Variants in ARL8B observed in about 807,000 individuals in gnomAD.
ARL8B encodes the protein ADP-ribosylation factor-like protein 8B.
Under a neutral mutation model 30.6 loss-of-function variants are expected in ARL8B, and 9 were observed. The ratio of observed to expected loss-of-function variants is 0.29; its 90% CI spans 0.18 to 0.51. ARL8B has a LOEUF of 0.51. Among genes scored for constraint, ARL8B ranks in the 20% least tolerant of loss-of-function variants. ARL8B has a pLI of 0.97. For synonymous variants in ARL8B, 74 were observed against 76.0 expected (o/e 0.97, Z 0.14); for missense variants, 130 against 227.2 (o/e 0.57, Z 2.75).
At chr3:5,139,955 A>T (rs2054357632) in intron 1 of ARL8B, among the ~76,000 whole-genome samples, 1 of 149,814 alleles carries the variant, frequency 6.7e-6, no homozygotes, top group Non-Finnish European at 1.5e-5. Context: ...TGGTCAGGAT[A>T]GCTTCTCACT....
At chr3:5,130,432 G>A (rs772847111) in intron 1 of ARL8B, among the ~76,000 whole-genome samples, 2 of 152,046 alleles carry the variant, frequency 1.3e-5, no homozygotes, top group Non-Finnish European at 2.9e-5. Context: ...AGAAGTATTG[G>A]TAGATTGCAT....
intron 1 of ARL8B, among the ~76,000 whole-genome samples, chr3:5,131,579 C>A (rs1176128690): frequency 6.6e-6 from 1 of 151,878 alleles, no homozygotes; most frequent in Non-Finnish European, 1.5e-5. Flanking sequence ...TTAGTAGAGA[C>A]AGGGTTTCAC....
chr3:5,176,523 C>T (rs1040485463), intron 6 of ARL8B, among the ~76,000 whole-genome samples: 2 of 152,182 alleles, frequency 1.3e-5, no homozygotes, highest in Non-Finnish European at 2.9e-5. Flanking sequence ...TGAGCCACCA[C>T]GCCCAGCCAC....
In ARL8B at chr3:5,179,894, T is replaced by G. The variant is rs897701460; in HGVS notation, c.*1181T>G. 2 of 152,598 alleles carry G rather than the reference T, an allele frequency of 1.3e-5. No homozygotes were observed. Among genetic ancestry groups the G allele is most frequent in the Admixed American group, 1.3e-4 (2 of 15,278 alleles). 9.5% of individuals were successfully genotyped at this position (152,598 alleles called of 1,614,324 possible). A position where few individuals can be genotyped will look rare whatever the true frequency, so the allele number is the denominator to read the frequency against. On this transcript the variant is annotated 3_prime_UTR_variant, in exon 7 of 7. Transcript: ENST00000256496. ...CAGAGAACTGAGGAACTGATGCTGTTTGTTTGCTTCTATGATACAGAGATG... is the reference window on the plus strand; with the variant it reads ...CAGAGAACTGAGGAACTGATGCTGTGTGTTTGCTTCTATGATACAGAGATG...
chr3:5,180,602 T>C lies in ARL8B; in HGVS notation c.*1889T>C, dbSNP rs1467415912. On this transcript the variant is annotated 3_prime_UTR_variant, in exon 7 of 7. Coordinates refer to ENST00000256496, the MANE Select transcript of ARL8B (RefSeq NM_018184.3). ...CATCCAGACGCTATTACCAACATTTTCCTGTGCATTAACCTCTGCATGTGA... is the reference window on the plus strand; with the variant it reads ...CATCCAGACGCTATTACCAACATTTCCCTGTGCATTAACCTCTGCATGTGA... 6.5e-6 allele frequency: 1 copy of C among 152,676 alleles called. No homozygotes were observed. The highest frequency in any genetic ancestry group is 1.5e-5 in the Non-Finnish European group (1 of 68,038). 9.5% of individuals were successfully genotyped at this position (152,676 alleles called of 1,614,324 possible).
At chr3:5,151,869 C>T (rs1559281005) in intron 1 of ARL8B, among the ~76,000 whole-genome samples, 3 of 151,978 alleles carry the variant, frequency 2.0e-5, no homozygotes, top group Non-Finnish European at 2.9e-5. Flanking sequence ...GGACCACAGG[C>T]TCACACGACC....
chr3:5,167,005 A>G (rs185326460), intron 1 of ARL8B, among the ~76,000 whole-genome samples: 1 of 152,212 alleles, frequency 6.6e-6, no homozygotes, highest in Admixed American at 6.5e-5. Flanking sequence ...TACTCTTCCA[A>G]TTTCCTTTTT....
At chr3:5,178,621 G>GT (rs774194938) in intron 6 of ARL8B, 43 bp from the exon 7 acceptor site, 65 of 1,573,340 alleles carry the variant, frequency 4.1e-5, no homozygotes, top group Non-Finnish European at 5.5e-5. Flanking sequence ...TTGATGTTTA[G>GT]TTTTTTAACT....
At chr3:5,166,348 G>GTTT (rs576653836) in intron 1 of ARL8B, among the ~76,000 whole-genome samples, 6 of 99,178 alleles carry the variant, frequency 6.0e-5, no homozygotes, top group African/African-American at 8.1e-5. Context: ...GGTATCTTTC[G>GTTT]TTTTTTTTTT....
At chr3:5,131,208 A>G (rs1226094736) in intron 1 of ARL8B, among the ~76,000 whole-genome samples, 1 of 151,024 alleles carries the variant, frequency 6.6e-6, no homozygotes, top group Non-Finnish European at 1.5e-5. Context: ...CCCGGCCACC[A>G]TTTTCTTGAA....
intron 6 of ARL8B, among the ~76,000 whole-genome samples, chr3:5,177,528 C>T (rs1042701970): frequency 6.7e-6 from 1 of 150,180 alleles, no homozygotes; most frequent in Non-Finnish European, 1.5e-5. Flanking sequence ...GCAATTTTGG[C>T]TCACTGCAAC....
At chr3:5,170,362 G>A (rs1382543084) in intron 1 of ARL8B, 141 bp from the exon 2 acceptor site, 2 of 459,716 alleles carry the variant, frequency 4.4e-6, no homozygotes, top group Non-Finnish European at 7.7e-6. Context: ...ATGGCCATAA[G>A]GAACATGTTC....
At chr3:5,165,859 C>G (rs2054619168) in intron 1 of ARL8B, among the ~76,000 whole-genome samples, 1 of 152,106 alleles carries the variant, frequency 6.6e-6, no homozygotes, top group South Asian at 2.1e-4. Flanking sequence ...CTAACCTAAT[C>G]CATTTAGTAC....
intron 1 of ARL8B, among the ~76,000 whole-genome samples, chr3:5,166,042 C>CTT (rs760445533): frequency 1.1e-4 from 15 of 140,644 alleles, no homozygotes; most frequent in African/African-American, 2.9e-4. Context: ...CTTAAGATAT[C>CTT]TTTTTTTTTT....
chr3:5,149,162 C>T (rs1282118065), intron 1 of ARL8B, among the ~76,000 whole-genome samples: 1 of 152,238 alleles, frequency 6.6e-6, no homozygotes, highest in Non-Finnish European at 1.5e-5. Context: ...TAAGGCAGTA[C>T]TTACAGTCTA....
chr3:5,154,002 A>G (rs542844705), intron 1 of ARL8B, among the ~76,000 whole-genome samples: 20 of 151,964 alleles, frequency 1.3e-4, no homozygotes, highest in African/African-American at 3.9e-4. Flanking sequence ...AGTAATTTCA[A>G]TTGTTATTCT....
chr3:5,169,339 G>C (rs913288655), intron 1 of ARL8B, among the ~76,000 whole-genome samples: 3 of 151,710 alleles, frequency 2.0e-5, no homozygotes, highest in Non-Finnish European at 4.4e-5. Flanking sequence ...GTGTGTGTGT[G>C]TGTGAGTGTG....
intron 1 of ARL8B, among the ~76,000 whole-genome samples, chr3:5,157,603 G>A (rs1174794324): frequency 1.3e-5 from 2 of 152,132 alleles, no homozygotes; most frequent in Non-Finnish European, 2.9e-5. Flanking sequence ...TTTCTTCTCC[G>A]TAAGTACAGC....
chr3:5,146,870 A>G (rs970071584), intron 1 of ARL8B, among the ~76,000 whole-genome samples: 4 of 152,104 alleles, frequency 2.6e-5, no homozygotes, highest in African/African-American at 7.2e-5. Context: ...GGGAGGAGCA[A>G]GCCGCCCCAG....
Sources: allele counts gnomAD v4.1 joint callset (sites outside exome capture counted in the v4.1 genomes callset), GRCh38; gene constraint gnomAD v4.1.1; transcripts MANE v1.5; gene names NCBI Gene and HGNC (gene_info 2026-07-23, HGNC 2026-07-21).